Variants in SLC24A3 observed in about 807,000 individuals in gnomAD.
SLC24A3 encodes the protein solute carrier family 24 member 3, also known as sodium/potassium/calcium exchanger 3.
In SLC24A3, 28 loss-of-function variants were observed where a neutral mutation model predicts 75.8. That is an observed-to-expected ratio of 0.37 (90% CI 0.27 to 0.51). The LOEUF (loss-of-function observed/expected upper bound fraction) is 0.51, where lower values mean the gene tolerates loss of function less well. Among genes scored for constraint, SLC24A3 ranks in the 20% least tolerant of loss-of-function variants. The pLI is 0.94. For missense variants in SLC24A3, 663 were observed against 847.8 expected, an observed-to-expected ratio of 0.78 and a Z score of 2.71; for synonymous variants, 372 against 334.1, an observed-to-expected ratio of 1.11 and a Z score of -1.24.
chr20:19,489,689 T>C (rs1307234067), intron 2 of SLC24A3, among the ~76,000 whole-genome samples: 1 of 152,198 alleles, frequency 6.6e-6, no homozygotes, highest in Admixed American at 6.5e-5. Flanking sequence ...TTAACTGTTG[T>C]TGAGAGCTTC....
chr20:19,247,194 G>A (rs1982518967), intron 1 of SLC24A3, among the ~76,000 whole-genome samples: 1 of 152,028 alleles, frequency 6.6e-6, no homozygotes, highest in Non-Finnish European at 1.5e-5. Flanking sequence ...TAGAAAGCAG[G>A]GCCAATGACT....
intron 2 of SLC24A3, among the ~76,000 whole-genome samples, chr20:19,502,988 C>T (rs958732726): frequency 6.7e-6 from 1 of 148,446 alleles, no homozygotes; most frequent in African/African-American, 2.5e-5. Context: ...GATAGTGTTA[C>T]TGCGCTCCAG....
chr20:19,551,583 G>A (rs953029875), intron 3 of SLC24A3, among the ~76,000 whole-genome samples: 3 of 152,160 alleles, frequency 2.0e-5, no homozygotes, highest in African/African-American at 4.8e-5. Flanking sequence ...CATGCCATGA[G>A]TCGCTTGTTT....
chr20:19,651,783 C>T (rs2075832396), intron 6 of SLC24A3, among the ~76,000 whole-genome samples: 1 of 150,340 alleles, frequency 6.7e-6, no homozygotes, highest in African/African-American at 2.4e-5. Flanking sequence ...ATGGTGTGAA[C>T]CTGTGAGGCA....
intron 3 of SLC24A3, among the ~76,000 whole-genome samples, chr20:19,525,687 A>T (rs529411658): frequency 6.6e-6 from 1 of 152,220 alleles, no homozygotes; most frequent in South Asian, 2.1e-4. Context: ...TTGCATACTC[A>T]GGAGAGTGGC....
rs114164259 is a variant in SLC24A3, at chr20:19,546,626, G to A, written c.348+31062G>A. ...CTGCCTCCTTTTTTTGAGGGGAAAG[G>A]GGGTGGGGGGCAGACTCGCAATTTT... On this transcript the variant is annotated intron_variant, in intron 3 of 16. Transcript: ENST00000328041. 5.8e-3 allele frequency among the ~76,000 whole-genome samples: 886 copies of A among 152,272 alleles called. 10 individuals carry two copies. Among genetic ancestry groups the A allele is most frequent in the African/African-American group, 0.021 (861 of 41,554 alleles).
chr20:19,552,271 C>A (rs187751065), intron 3 of SLC24A3, among the ~76,000 whole-genome samples: 86 of 152,264 alleles, frequency 5.6e-4, no homozygotes, highest in African/African-American at 2.0e-3. Flanking sequence ...TGAACAACTC[C>A]CCTCCCACAT....
intron 2 of SLC24A3, among the ~76,000 whole-genome samples, chr20:19,461,437 A>G (rs1987669943): frequency 6.6e-6 from 1 of 151,872 alleles, no homozygotes; most frequent in Admixed American, 6.6e-5. Context: ...ATATGTTCAC[A>G]CATATTATGT....
chr20:19,325,105 C>T (rs372374789), intron 2 of SLC24A3, among the ~76,000 whole-genome samples: 4 of 150,280 alleles, frequency 2.7e-5, no homozygotes, highest in East Asian at 2.0e-4. Context: ...GGTAGCTTTT[C>T]GGTCAGTGGG....
intron 3 of SLC24A3, 143 bp from the exon 4 acceptor site, chr20:19,579,857 T>A (rs1012907744): frequency 4.7e-6 from 3 of 636,132 alleles, no homozygotes; most frequent in Non-Finnish European, 8.5e-6. Context: ...CAGGAGAGTG[T>A]TGTGGGCATT....
At chr20:19,465,188 G>C (rs372946087) in intron 2 of SLC24A3, among the ~76,000 whole-genome samples, 1 of 152,286 alleles carries the variant, frequency 6.6e-6, no homozygotes, top group Non-Finnish European at 1.5e-5. Flanking sequence ...TTCACGGAGC[G>C]ATAGCCAGCT....
intron 1 of SLC24A3, among the ~76,000 whole-genome samples, chr20:19,247,097 AAAG>A (rs1409551905): frequency 1.3e-5 from 2 of 152,228 alleles, no homozygotes; most frequent in African/African-American, 4.8e-5. Flanking sequence ...TTTAAATAAA[AAAG>A]AATATAAATT....
chr20:19,598,355 A>G (rs768109701), intron 6 of SLC24A3, among the ~76,000 whole-genome samples: 11 of 152,158 alleles, frequency 7.2e-5, no homozygotes, highest in Admixed American at 6.5e-4. Flanking sequence ...TGTGCAGACC[A>G]TCTAGGGCAA....
rs371903812 is a variant in SLC24A3 at position 19,681,922 on chromosome 20, G to A, written c.832G>A (p.Gly278Arg). The change falls in exon 10 of 17, where the codon GGA becomes AGA. Residue 278 changes from glycine (G) to arginine (R), a missense_variant. Around this residue, in one of 2 missense-constraint regions of SLC24A3, gnomAD observed 510 missense variants for 703.6 expected, o/e 0.72. Coordinates refer to ENST00000328041, the MANE Select transcript of SLC24A3 (RefSeq NM_020689.4). ...AAAAGGTGCCGGGAACATGGTCAAC[G>A]GATTGGCCAACAATGCTGAAATTGA... is the stretch of plus-strand genomic sequence containing the variant. ...RTKGAGNMVNGLANNAEIDDS... is the reference protein window; with the variant it reads ...RTKGAGNMVNRLANNAEIDDS... 2.2e-5 allele frequency: 36 copies of A among 1,614,012 alleles called. No homozygotes were observed. The highest frequency in any genetic ancestry group is 6.7e-5 in the Admixed American group (4 of 59,992).
intron 3 of SLC24A3, among the ~76,000 whole-genome samples, chr20:19,567,087 G>A (rs767480698): frequency 6.6e-6 from 1 of 152,204 alleles, no homozygotes; most frequent in Non-Finnish European, 1.5e-5. Flanking sequence ...AGCCACTGTG[G>A]AAAGCCATTT....
intron 6 of SLC24A3, among the ~76,000 whole-genome samples, chr20:19,613,994 C>A (rs2031704432): frequency 6.6e-6 from 1 of 152,196 alleles, no homozygotes; most frequent in Admixed American, 6.5e-5. Flanking sequence ...CCTTTTAAAT[C>A]TTGATTCTCT....
intron 1 of SLC24A3, among the ~76,000 whole-genome samples, chr20:19,240,457 A>T (rs1428766926): frequency 6.6e-6 from 1 of 152,202 alleles, no homozygotes; most frequent in Admixed American, 6.5e-5. Flanking sequence ...AACTCCAGGG[A>T]TAGTAAAACT....
intron 6 of SLC24A3, among the ~76,000 whole-genome samples, chr20:19,619,520 AT>A (rs2031778073): frequency 6.6e-6 from 1 of 152,214 alleles, no homozygotes; most frequent in South Asian, 2.1e-4. Flanking sequence ...AGGATCTGTG[AT>A]CATGAGAATG....
At chr20:19,625,260 TCTA>T in intron 6 of SLC24A3, among the ~76,000 whole-genome samples, 1 of 152,198 alleles carries the variant, frequency 6.6e-6, no homozygotes. Flanking sequence ...TGTTTTGCAA[TCTA>T]CTAGATGAAT....
Sources: allele counts gnomAD v4.1 joint callset (sites outside exome capture counted in the v4.1 genomes callset), GRCh38; gene constraint gnomAD v4.1.1; regional missense constraint gnomAD v4.1.1; transcripts MANE v1.5; gene names NCBI Gene and HGNC (gene_info 2026-07-23, HGNC 2026-07-21).